FBXL2: variants seen among roughly 807,000 people sequenced by gnomAD.
FBXL2 encodes F-box and leucine rich repeat protein 2.
A neutral mutation model predicts 69.2 loss-of-function variants in FBXL2; 38 were observed. The ratio of observed to expected loss-of-function variants is 0.55; its 90% CI spans 0.42 to 0.72. The LOEUF is 0.72. Ranked by LOEUF, FBXL2 falls within the 30% of genes least tolerant of loss-of-function variation. The pLI is 0.00. For missense variants in FBXL2, 354 were observed against 520.3 expected, an observed-to-expected ratio of 0.68 and a Z score of 3.11; for synonymous variants, 192 against 201.3, an observed-to-expected ratio of 0.95 and a Z score of 0.39.
intron 12 of FBXL2, chr3:33,397,338 CAAG>C (rs1031093888): frequency 5.0e-5 from 21 of 420,290 alleles, no homozygotes; most frequent in African/African-American, 3.7e-4. Flanking sequence ...TGTCCTGTAT[CAAG>C]AAGGAGCTTA....
At chr3:33,395,641 G>T (rs2043948257) in intron 12 of FBXL2, among the ~76,000 whole-genome samples, 1 of 149,520 alleles carries the variant, frequency 6.7e-6, no homozygotes, top group Non-Finnish European at 1.5e-5. Flanking sequence ...CACAATGCTG[G>T]CCGAACACTT....
At chr3:33,357,573 A>G (rs1423974116) in intron 2 of FBXL2, among the ~76,000 whole-genome samples, 1 of 116,678 alleles carries the variant, frequency 8.6e-6, no homozygotes, top group Non-Finnish European at 1.6e-5. Flanking sequence ...GCTGTCGCCC[A>G]GGTTGGAGTG....
In FBXL2 at chr3:33,385,688, C is replaced by A; in HGVS notation, c.*80C>A. 9.1e-7 allele frequency: 1 copy of A among 1,103,504 alleles called. No homozygotes were observed. Among genetic ancestry groups the A allele is most frequent in the Non-Finnish European group, 1.4e-6 (1 of 724,394 alleles). 68.4% of individuals were successfully genotyped at this position (1,103,504 alleles called of 1,614,324 possible). A position where few individuals can be genotyped will look rare whatever the true frequency, so the allele number is the denominator to read the frequency against. ...GAGTCTTCCTGACCGACTCCACCAT[C>A]ACCCAATCTGTTGATTCTCCATTGG... On this transcript the variant is annotated 3_prime_UTR_variant, in exon 15 of 15. Transcript: ENST00000484457.
intron 1 of FBXL2, among the ~76,000 whole-genome samples, chr3:33,284,769 G>C (rs1046351068): frequency 2.6e-5 from 4 of 152,072 alleles, no homozygotes; most frequent in Non-Finnish European, 5.9e-5. Context: ...GTTAGCTCTT[G>C]TTGTTGAATT....
At chr3:33,381,089 TCAGAA>T (rs1450236176) in intron 13 of FBXL2, among the ~76,000 whole-genome samples, 2 of 152,170 alleles carry the variant, frequency 1.3e-5, no homozygotes, top group Non-Finnish European at 2.9e-5. Flanking sequence ...TCCTGTTAAC[TCAGAA>T]CAGGTCAAGC....
At chr3:33,317,870 CAA>C (rs2037847262) in intron 2 of FBXL2, among the ~76,000 whole-genome samples, 1 of 152,100 alleles carries the variant, frequency 6.6e-6, no homozygotes, top group South Asian at 2.1e-4. Flanking sequence ...ACATGAAACT[CAA>C]AGGAAATCAT....
At chr3:33,397,561 T>A (rs1434848209) in intron 12 of FBXL2, 1 of 152,928 alleles carries the variant, frequency 6.5e-6, no homozygotes. Context: ...AGTCCAGAGT[T>A]TGTGGGACTT....
chr3:33,299,343 G>A (rs1229695527), intron 2 of FBXL2, among the ~76,000 whole-genome samples: 4 of 152,078 alleles, frequency 2.6e-5, no homozygotes. Flanking sequence ...CGCCCGGCCG[G>A]AATCCTTTTA....
intron 1 of FBXL2, among the ~76,000 whole-genome samples, chr3:33,292,937 C>T (rs540233094): frequency 2.6e-5 from 4 of 152,294 alleles, no homozygotes; most frequent in African/African-American, 9.6e-5. Flanking sequence ...CCTACAGGAA[C>T]CATAACAATT....
At chr3:33,348,617 A>T (rs547780338) in intron 2 of FBXL2, among the ~76,000 whole-genome samples, 1 of 152,166 alleles carries the variant, frequency 6.6e-6, no homozygotes, top group South Asian at 2.1e-4. Context: ...GGACATTTTA[A>T]CAATATTGAT....
the FBXL2 span, among the ~76,000 whole-genome samples, chr3:33,422,438 C>T: frequency 6.6e-6 from 1 of 151,650 alleles, no homozygotes; most frequent in South Asian, 2.1e-4. Flanking sequence ...AAAAAAAGGC[C>T]AGGTTCAGTG....
chr3:33,346,811 ACT>A (rs924504228), intron 2 of FBXL2, among the ~76,000 whole-genome samples: 2 of 135,112 alleles, frequency 1.5e-5, no homozygotes, highest in African/African-American at 3.0e-5. Context: ...ATTATCAACA[ACT>A]CTGTGTTCAG....
chr3:33,369,937 A>C (rs530901806), intron 5 of FBXL2, among the ~76,000 whole-genome samples: 1 of 152,246 alleles, frequency 6.6e-6, no homozygotes, highest in Non-Finnish European at 1.5e-5. Context: ...TTAAATTTAA[A>C]AGTTGTATAC....
chr3:33,376,232 A>G (rs1043825151), intron 10 of FBXL2, among the ~76,000 whole-genome samples: 5 of 152,226 alleles, frequency 3.3e-5, no homozygotes, highest in Non-Finnish European at 7.3e-5. Context: ...AGCTATGAAT[A>G]TTAAAATTTT....
intron 2 of FBXL2, chr3:33,303,037 C>T: frequency 4.4e-6 from 2 of 456,628 alleles, no homozygotes; most frequent in South Asian, 1.5e-5. Flanking sequence ...CTATGGGTCT[C>T]ATTGAGTAGG....
chr3:33,293,741 G>A (rs1006190566), intron 1 of FBXL2, among the ~76,000 whole-genome samples: 6 of 152,064 alleles, frequency 3.9e-5, no homozygotes, highest in African/African-American at 1.4e-4. Flanking sequence ...TGAGATATGT[G>A]AAGGTTTTCA....
chr3:33,331,462 G>C (rs189619530), intron 2 of FBXL2, among the ~76,000 whole-genome samples: 6 of 152,198 alleles, frequency 3.9e-5, no homozygotes, highest in East Asian at 1.9e-4. Flanking sequence ...CCCTGGAAAG[G>C]CTCCCTCCCC....
At chr3:33,337,482 A>G (rs2039683195) in intron 2 of FBXL2, among the ~76,000 whole-genome samples, 3 of 152,346 alleles carry the variant, frequency 2.0e-5, no homozygotes, top group Admixed American at 6.5e-5. Context: ...AAGAAGACCA[A>G]CAATACCAAG....
Position 33,319,334 on chromosome 3 carries a change from G to T in FBXL2, c.65+21609G>T, listed in dbSNP as rs542613169. On this transcript the variant is annotated intron_variant, in intron 2 of 14. Coordinates refer to ENST00000484457, the MANE Select transcript of FBXL2 (RefSeq NM_012157.5). The stretch of plus-strand genomic sequence containing the variant: ...TAACTATTATTGGAACCATTTGAAT[G>T]TATTGCCTATTAAATAAATTAAAAA... 2.6e-3 allele frequency among the ~76,000 whole-genome samples: 391 copies of T among 151,868 alleles called. 1 individual carries two copies. Among genetic ancestry groups the T allele is most frequent in the Non-Finnish European group, 4.4e-3 (299 of 67,952 alleles).
Sources: gnomAD v4.1 joint callset for allele counts (sites outside exome capture counted in the v4.1 genomes callset) on GRCh38, gnomAD v4.1.1 for gene constraint, MANE v1.5 for transcripts, NCBI Gene and HGNC (gene_info 2026-07-23, HGNC 2026-07-21) for gene names.